RASGEF1C: variants seen among roughly 807,000 people sequenced by gnomAD.
RASGEF1C encodes RasGEF domain family member 1C.
Under a neutral mutation model 58.1 loss-of-function variants are expected in RASGEF1C, and 27 were observed. The ratio of observed to expected loss-of-function variants is 0.46; its 90% CI spans 0.34 to 0.64. The LOEUF is 0.64. RASGEF1C is among the 30% of genes least tolerant of loss of function. The probability of loss-of-function intolerance (pLI) is 0.01; values close to 1 mark genes in which losing one functional copy is unlikely to be tolerated. For synonymous variants in RASGEF1C, 243 were observed against 246.3 expected (o/e 0.99, Z 0.13); for missense variants, 502 against 605.1 (o/e 0.83, Z 1.79).
At chr5:180,207,399 C>T (rs1003552325) in intron 1 of RASGEF1C, among the ~76,000 whole-genome samples, 1 of 152,224 alleles carries the variant, frequency 6.6e-6, no homozygotes, top group Non-Finnish European at 1.5e-5. Context: ...ACACTAAGCC[C>T]GGGTCCCACG....
chr5:180,130,244 C>T (rs1203421336), intron 4 of RASGEF1C, among the ~76,000 whole-genome samples: 1 of 152,200 alleles, frequency 6.6e-6, no homozygotes, highest in East Asian at 1.9e-4. Context: ...AAACTAGGCT[C>T]CACGCTGGGT....
intron 3 of RASGEF1C, chr5:180,136,876 G>A: frequency 4.0e-6 from 1 of 252,506 alleles, no homozygotes; most frequent in Non-Finnish European, 7.6e-6. Flanking sequence ...CGTGCACAGT[G>A]ATTGGCTCAC....
chr5:180,127,547 C>A, intron 6 of RASGEF1C, 62 bp downstream of exon 6: 3 of 1,500,192 alleles, frequency 2.0e-6, no homozygotes, highest in Non-Finnish European at 2.7e-6. Context: ...CGCGGGCTCC[C>A]CGGAGAGCGG....
At chr5:180,106,539 C>T (rs186192990) in intron 12 of RASGEF1C, among the ~76,000 whole-genome samples, 2 of 152,270 alleles carry the variant, frequency 1.3e-5, no homozygotes, top group Admixed American at 6.5e-5. Context: ...GGATTATTTA[C>T]AAGTGTGTCA....
At position 180,168,974 on chromosome 5, in the gene RASGEF1C, GTAC is replaced by G. The variant is rs1483449976; in HGVS notation, c.-6-30919_-6-30917del. On this transcript the variant is annotated intron_variant, in intron 1 of 13. Coordinates refer to ENST00000361132, the MANE Select transcript of RASGEF1C (RefSeq NM_175062.4). This position sits in a 1 kb window ranked among gnomAD's most constrained non-coding sequence, Gnocchi z 6.0. ...CGGCAAACCTACTTCCAGCTGGGTA[GTAC>G]TCCAAATGCCAGTTTTCAAAGCCCT... Among the ~76,000 whole-genome samples the G allele has an allele frequency of 1.3e-5, 2 of 152,168 alleles. No individual in the cohort carries two copies. The highest frequency in any genetic ancestry group is 2.9e-5 in the Non-Finnish European group (2 of 68,042).
At chr5:180,154,181 A>G (rs1766815611) in intron 1 of RASGEF1C, among the ~76,000 whole-genome samples, 1 of 152,142 alleles carries the variant, frequency 6.6e-6, no homozygotes, top group Non-Finnish European at 1.5e-5. Flanking sequence ...CCCCCTGGGC[A>G]GGTGTCTGGA....
At position 180,127,635 on chromosome 5, in the gene RASGEF1C, T is replaced by C. The variant is rs1766285679; in HGVS notation, c.688A>G (p.Asn230Asp). Residue 230 changes from asparagine to aspartate, a missense_variant, in exon 6 of 14, where the codon AAC becomes GAC. Coordinates refer to ENST00000361132, the MANE Select transcript of RASGEF1C (RefSeq NM_175062.4). ...TTTGTGCTGGCCAGAGGGTCCTTGT[T>C]CACAAAGGCCTGGACAAACTCCTCA... ...GPEEFVQAFVNKDPLASTKPC... is the reference protein window; with the variant it reads ...GPEEFVQAFVDKDPLASTKPC... 6.2e-7 allele frequency: 1 copy of C among 1,613,280 alleles called. No homozygotes were observed. Among genetic ancestry groups the C allele is most frequent in the Non-Finnish European group, 8.5e-7 (1 of 1,179,752 alleles).
intron 1 of RASGEF1C, among the ~76,000 whole-genome samples, chr5:180,154,583 CT>C (rs113429753): frequency 0.098 from 13,824 of 140,480 alleles, 632 homozygotes; most frequent in South Asian, 0.16. Flanking sequence ...ACTCTGGACT[CT>C]TTTTTTTTTT....
At chr5:180,152,756 C>T (rs1174406084) in intron 1 of RASGEF1C, among the ~76,000 whole-genome samples, 1 of 148,992 alleles carries the variant, frequency 6.7e-6, no homozygotes, top group Non-Finnish European at 1.5e-5. Context: ...ACTAAAAATA[C>T]AAAAAATTAG....
chr5:180,139,991 C>T (rs1766549330), intron 1 of RASGEF1C, among the ~76,000 whole-genome samples: 1 of 152,184 alleles, frequency 6.6e-6, no homozygotes, highest in African/African-American at 2.4e-5. Flanking sequence ...GAAGCCTCTG[C>T]AGGATGGTGG....
intron 10 of RASGEF1C, among the ~76,000 whole-genome samples, chr5:180,115,788 C>T (rs941294870): frequency 2.0e-5 from 3 of 152,046 alleles, no homozygotes; most frequent in African/African-American, 4.8e-5. Context: ...CAGTGAGCAG[C>T]GGAAGCAGGG....
intron 1 of RASGEF1C, among the ~76,000 whole-genome samples, chr5:180,161,019 A>C (rs1042606107): frequency 1.1e-4 from 17 of 152,192 alleles, no homozygotes; most frequent in Admixed American, 8.5e-4. Flanking sequence ...GTGCAAAGAG[A>C]GGCCGGGAAG....
At chr5:180,149,579 C>T (rs1393330938) in intron 1 of RASGEF1C, among the ~76,000 whole-genome samples, 2 of 151,834 alleles carry the variant, frequency 1.3e-5, no homozygotes, top group South Asian at 2.1e-4. Context: ...CCTCGGCCTC[C>T]CAAGTAGCTG....
At chr5:180,204,929 C>G (rs1047260302) in intron 1 of RASGEF1C, among the ~76,000 whole-genome samples, 3 of 152,146 alleles carry the variant, frequency 2.0e-5, no homozygotes. Flanking sequence ...GTGGCTCATG[C>G]CTGTAATCCC....
intron 1 of RASGEF1C, among the ~76,000 whole-genome samples, chr5:180,144,876 G>A (rs1766640287): frequency 6.6e-6 from 1 of 152,040 alleles, no homozygotes; most frequent in African/African-American, 2.4e-5. Context: ...ACCATTCTGG[G>A]TACCTTATAT....
At chr5:180,203,815 T>C (rs1236189698) in intron 1 of RASGEF1C, among the ~76,000 whole-genome samples, 1 of 151,956 alleles carries the variant, frequency 6.6e-6, no homozygotes, top group Non-Finnish European at 1.5e-5. Flanking sequence ...GCCAACATGA[T>C]GAAACCCCAT....
At chr5:180,164,191 C>T (rs114803400) in intron 1 of RASGEF1C, among the ~76,000 whole-genome samples, 1,607 of 152,242 alleles carry the variant, frequency 0.011, 6 homozygotes, top group African/African-American at 0.012. Context: ...GTTTCATTGA[C>T]GTTCTCTATC....
chr5:180,141,360 C>G (rs756939980), intron 1 of RASGEF1C, among the ~76,000 whole-genome samples: 16 of 152,228 alleles, frequency 1.1e-4, no homozygotes, highest in Non-Finnish European at 1.9e-4. Flanking sequence ...CGCCTCTCCA[C>G]ACAGTGGGGC....
intron 10 of RASGEF1C, among the ~76,000 whole-genome samples, chr5:180,116,157 C>A (rs1766063402): frequency 6.6e-6 from 1 of 152,198 alleles, no homozygotes; most frequent in South Asian, 2.1e-4. Context: ...GGCCACCCCC[C>A]ATGTCTGACC....
Sources: gnomAD v4.1 joint callset for allele counts (sites outside exome capture counted in the v4.1 genomes callset) on GRCh38, gnomAD v4.1.1 for gene constraint, Gnocchi (gnomAD v3.1) non-coding constraint, MANE v1.5 for transcripts, NCBI Gene and HGNC (gene_info 2026-07-23, HGNC 2026-07-21) for gene names.